The following QTMAN variants were observed in gnomAD, a reference collection of about 807,000 sequenced individuals.
QTMAN encodes tRNA-queuosine alpha-mannosyltransferase.
At chr2:144,273,605 G>A in the QTMAN span, among the ~76,000 whole-genome samples, 2 of 152,134 alleles carry the variant, frequency 1.3e-5, no homozygotes, top group African/African-American at 4.8e-5. Context: ...GTCTTATATG[G>A]AGTAAATTCA....
At chr2:144,063,058 A>T in the QTMAN span, among the ~76,000 whole-genome samples, 6 of 152,172 alleles carry the variant, frequency 3.9e-5, no homozygotes, top group African/African-American at 1.4e-4. Context: ...TATTTTTGTC[A>T]GGCAGGTCTA....
the QTMAN span, among the ~76,000 whole-genome samples, chr2:143,966,296 C>T: frequency 2.0e-5 from 3 of 152,122 alleles, no homozygotes; most frequent in African/African-American, 4.8e-5. Context: ...CTACATAAGG[C>T]AATGCATAAA....
chr2:143,970,788 C>T, the QTMAN span: 2 of 1,200,012 alleles, frequency 1.7e-6, no homozygotes, highest in African/African-American at 1.5e-5. Context: ...CAAAATATAA[C>T]TTGTGTTACC....
At chr2:144,020,440 C>T in the QTMAN span, among the ~76,000 whole-genome samples, 30 of 152,326 alleles carry the variant, frequency 2.0e-4, no homozygotes, top group East Asian at 1.5e-3. Context: ...CCGATTCTTC[C>T]GGTACACCAA....
chr2:144,107,431 C>T, the QTMAN span, among the ~76,000 whole-genome samples: 3,598 of 152,124 alleles, frequency 0.024, 50 homozygotes, highest in Middle Eastern at 0.037. Context: ...ATATCACCAC[C>T]GATCCCACAG....
chr2:144,259,630 A>T, the QTMAN span, among the ~76,000 whole-genome samples: 4 of 152,196 alleles, frequency 2.6e-5, no homozygotes, highest in Non-Finnish European at 5.9e-5. Flanking sequence ...ATACAACTAA[A>T]AGAAAATAAA....
the QTMAN span, among the ~76,000 whole-genome samples, chr2:144,093,063 C>T: frequency 3.9e-5 from 6 of 152,002 alleles, no homozygotes; most frequent in Admixed American, 1.3e-4. Flanking sequence ...ATTACATGAC[C>T]GCATTTTTCT....
At chr2:144,022,616 T>C in the QTMAN span, among the ~76,000 whole-genome samples, 3 of 144,052 alleles carry the variant, frequency 2.1e-5, no homozygotes, top group East Asian at 6.2e-4. Flanking sequence ...CACGCTGGAG[T>C]GCAGTGGCAC....
At chr2:144,315,143 C>T in the QTMAN span, among the ~76,000 whole-genome samples, 2 of 152,146 alleles carry the variant, frequency 1.3e-5, no homozygotes, top group Admixed American at 6.5e-5. Flanking sequence ...CTTCAGCCTC[C>T]CAAAGGGCTG....
chr2:143,954,643 C>T, the QTMAN span, among the ~76,000 whole-genome samples: 68 of 151,914 alleles, frequency 4.5e-4, no homozygotes, highest in Non-Finnish European at 9.4e-4. Context: ...TCTTTTGGTT[C>T]TATTTTTGAC....
chr2:144,254,666 C>A, the QTMAN span, among the ~76,000 whole-genome samples: 1 of 152,132 alleles, frequency 6.6e-6, no homozygotes, highest in Non-Finnish European at 1.5e-5. Context: ...CTCCAGACCC[C>A]ACCCCAAAAT....
At chr2:144,302,500 C>CTTA in the QTMAN span, among the ~76,000 whole-genome samples, 1 of 152,114 alleles carries the variant, frequency 6.6e-6, no homozygotes, top group East Asian at 1.9e-4. Flanking sequence ...GAGCATGATA[C>CTTA]TTAGACAGTG....
At chr2:144,215,914 A>G in the QTMAN span, among the ~76,000 whole-genome samples, 2 of 152,194 alleles carry the variant, frequency 1.3e-5, no homozygotes, top group South Asian at 4.1e-4. Context: ...ATAAAATGAC[A>G]TGCTCAAAAA....
At chr2:144,016,065 T>C in the QTMAN span, among the ~76,000 whole-genome samples, 1 of 152,184 alleles carries the variant, frequency 6.6e-6, no homozygotes, top group South Asian at 2.1e-4. Context: ...CTACATTCCC[T>C]AGTCAGTCAG....
At chr2:143,938,259 A>G in the QTMAN span, 72 of 152,332 alleles carry the variant, frequency 4.7e-4, 1 homozygote, top group African/African-American at 1.4e-3. Context: ...TTTCCTTTTA[A>G]TTAATCAGGA....
the QTMAN span, chr2:144,006,043 G>C: frequency 6.6e-6 from 1 of 151,984 alleles, no homozygotes; most frequent in Non-Finnish European, 1.5e-5. Context: ...ATCTCATCTA[G>C]ACCCACTGCA....
the QTMAN span, among the ~76,000 whole-genome samples, chr2:143,978,806 T>C: frequency 6.6e-6 from 1 of 152,236 alleles, no homozygotes; most frequent in Admixed American, 6.5e-5. Flanking sequence ...TCTTGTCAAA[T>C]GTGGTAATTG....
chr2:144,309,977 T>C, the QTMAN span, among the ~76,000 whole-genome samples: 1 of 152,062 alleles, frequency 6.6e-6, no homozygotes, highest in Non-Finnish European at 1.5e-5. Context: ...AAACAAAACA[T>C]AAAATACTTT....
chr2:144,326,836 A>C, the QTMAN span, among the ~76,000 whole-genome samples: 1 of 152,180 alleles, frequency 6.6e-6, no homozygotes, highest in East Asian at 1.9e-4. Flanking sequence ...ATCTAGATGT[A>C]AAGACAGATA....
Sources: allele counts gnomAD v4.1 joint callset (sites outside exome capture counted in the v4.1 genomes callset), GRCh38; gene constraint gnomAD v4.1.1; transcripts MANE v1.5; gene names NCBI Gene and HGNC (gene_info 2026-07-23, HGNC 2026-07-21).